The following GABBR2 variants were observed in gnomAD, a reference collection of about 807,000 sequenced individuals.
GABBR2 encodes the protein G-protein coupled receptor 51.
Under a neutral mutation model 105.6 loss-of-function variants are expected in GABBR2, and 23 were observed. The observed-to-expected ratio is 0.22, with a 90% CI of 0.16 to 0.31. GABBR2 has a LOEUF of 0.31. GABBR2 is among the 10% of genes least tolerant of loss of function. The probability of loss-of-function intolerance (pLI) is 1.00; values close to 1 mark genes in which losing one functional copy is unlikely to be tolerated. For synonymous variants in GABBR2, 478 were observed against 499.7 expected (o/e 0.96, Z 0.58); for missense variants, 734 against 1,245.5 (o/e 0.59, Z 6.18).
chr9:98,500,620 C>T (rs933633083), intron 3 of GABBR2, among the ~76,000 whole-genome samples: 1 of 152,152 alleles, frequency 6.6e-6, no homozygotes, highest in Admixed American at 6.5e-5. Flanking sequence ...CACAAGGAGC[C>T]GAAGACATTC....
At position 98,371,454 on chromosome 9, in the gene GABBR2, G is replaced by C; in HGVS notation, c.1770+10C>G. The C allele has an allele frequency of 1.5e-6, 2 of 1,343,950 alleles. No homozygotes were observed. Among genetic ancestry groups the C allele is most frequent in the Non-Finnish European group, 2.1e-6 (2 of 933,052 alleles). 83.3% of individuals were successfully genotyped at this position (1,343,950 alleles called of 1,614,324 possible). A position where few individuals can be genotyped will look rare whatever the true frequency, so the allele number is the denominator to read the frequency against. On this transcript the variant is annotated intron_variant, in intron 12 of 18. Coordinates refer to ENST00000259455, the MANE Select transcript of GABBR2 (RefSeq NM_005458.8). ...CTACTAATACCCTGAAACAGAAGGAGAGTGATTACCTTCTTCTTCATTTTC... is the reference window on the plus strand; with the variant it reads ...CTACTAATACCCTGAAACAGAAGGACAGTGATTACCTTCTTCTTCATTTTC...
intron 1 of GABBR2, among the ~76,000 whole-genome samples, chr9:98,586,741 T>C (rs970038344): frequency 6.6e-6 from 1 of 152,256 alleles, no homozygotes; most frequent in Non-Finnish European, 1.5e-5. Flanking sequence ...CTCCACATTA[T>C]GTTTGTGAGA....
chr9:98,392,896 T>C (rs1832207880), intron 9 of GABBR2, among the ~76,000 whole-genome samples: 1 of 150,774 alleles, frequency 6.6e-6, no homozygotes, highest in Non-Finnish European at 1.5e-5. Flanking sequence ...GATCAATTCA[T>C]CCATCCATCT....
At chr9:98,620,312 T>G (rs1418952630) in intron 1 of GABBR2, among the ~76,000 whole-genome samples, 1 of 151,652 alleles carries the variant, frequency 6.6e-6, no homozygotes, top group Non-Finnish European at 1.5e-5. Context: ...CTTGCAAAGA[T>G]AAGACCACCT....
At chr9:98,666,953 C>T (rs537604558) in intron 1 of GABBR2, among the ~76,000 whole-genome samples, 6 of 152,222 alleles carry the variant, frequency 3.9e-5, no homozygotes, top group South Asian at 4.2e-4. Context: ...TGGAAGAGTG[C>T]GTTTGGTGCC....
intron 7 of GABBR2, among the ~76,000 whole-genome samples, chr9:98,419,919 G>A (rs1366177902): frequency 6.6e-6 from 1 of 152,074 alleles, no homozygotes; most frequent in African/African-American, 2.4e-5. Context: ...CAGGAATTTG[G>A]AGAAGTCTTG....
intron 18 of GABBR2, 37 bp downstream of exon 18, chr9:98,293,744 ATTTC>A: frequency 9.1e-7 from 1 of 1,094,226 alleles, no homozygotes; most frequent in Non-Finnish European, 1.4e-6. Context: ...GGAGTGACGT[ATTTC>A]TTCTTCAGTT....
intron 15 of GABBR2, among the ~76,000 whole-genome samples, chr9:98,305,586 C>T (rs550404487): frequency 6.6e-5 from 10 of 152,242 alleles, no homozygotes; most frequent in South Asian, 2.1e-4. Context: ...AGGCCAAGGC[C>T]GGAGGATCGC....
intron 13 of GABBR2, among the ~76,000 whole-genome samples, chr9:98,322,300 G>A (rs1256120007): frequency 2.6e-5 from 4 of 152,000 alleles, no homozygotes; most frequent in Non-Finnish European, 4.4e-5. Flanking sequence ...AGAACCTGGC[G>A]TCTCTCCAGC....
chr9:98,594,169 T>C (rs963582263), intron 1 of GABBR2, among the ~76,000 whole-genome samples: 1 of 152,114 alleles, frequency 6.6e-6, no homozygotes, highest in African/African-American at 2.4e-5. Flanking sequence ...CAAGCAGCCT[T>C]GGGCACAGCT....
Position 98,290,167 on chromosome 9 carries a change from G to A in GABBR2, c.*417C>T, listed in dbSNP as rs1830270668. On this transcript the variant is annotated 3_prime_UTR_variant, in exon 19 of 19. Transcript: ENST00000259455. ...TCACAGCCAGTGATGTGTGTGCAGA[G>A]GCAGTTTCTTCAGAAGCTCCTTGCC... The A allele has an allele frequency of 6.5e-6, 1 of 153,832 alleles. No individual in the cohort carries two copies. 9.5% of individuals were successfully genotyped at this position (153,832 alleles called of 1,614,324 possible).
chr9:98,500,282 C>A (rs961690435), intron 3 of GABBR2, among the ~76,000 whole-genome samples: 1 of 152,228 alleles, frequency 6.6e-6, no homozygotes, highest in African/African-American at 2.4e-5. Flanking sequence ...CCCTGGGGGC[C>A]TAATCTGCAT....
chr9:98,586,923 G>A (rs772753739), intron 1 of GABBR2, among the ~76,000 whole-genome samples: 3 of 152,146 alleles, frequency 2.0e-5, no homozygotes, highest in African/African-American at 2.4e-5. Context: ...ATTTGCATAC[G>A]CGCCTCCTTG....
intron 2 of GABBR2, 88 bp from the exon 3 acceptor site, chr9:98,542,131 G>A: frequency 9.1e-7 from 1 of 1,100,014 alleles, no homozygotes; most frequent in Non-Finnish European, 1.3e-6. Context: ...GAGACTGTTA[G>A]CTTCAACTTA....
At chr9:98,556,881 T>C (rs1828594584) in intron 2 of GABBR2, among the ~76,000 whole-genome samples, 3 of 151,910 alleles carry the variant, frequency 2.0e-5, no homozygotes, top group African/African-American at 7.3e-5. Context: ...CCCATCTCTA[T>C]GGAAAAAAAT....
At chr9:98,431,635 G>C (rs1310043363) in intron 7 of GABBR2, among the ~76,000 whole-genome samples, 1 of 152,008 alleles carries the variant, frequency 6.6e-6, no homozygotes, top group Non-Finnish European at 1.5e-5. Context: ...TTCCTAAAAT[G>C]CCAGGCTATA....
At chr9:98,689,080 T>C (rs1038863827) in intron 1 of GABBR2, among the ~76,000 whole-genome samples, 2 of 152,200 alleles carry the variant, frequency 1.3e-5, no homozygotes, top group African/African-American at 4.8e-5. Context: ...TGTATGGCTT[T>C]AGCAAGTCAA....
intron 6 of GABBR2, among the ~76,000 whole-genome samples, chr9:98,470,578 C>T (rs925881285): frequency 3.3e-5 from 5 of 151,982 alleles, no homozygotes; most frequent in Admixed American, 6.5e-5. Flanking sequence ...TGGGTGGGGA[C>T]GCAGAGCTAA....
At chr9:98,580,102 T>A (rs1000357622) in intron 1 of GABBR2, among the ~76,000 whole-genome samples, 2 of 152,128 alleles carry the variant, frequency 1.3e-5, no homozygotes, top group African/African-American at 2.4e-5. Flanking sequence ...CCTTTTCTCT[T>A]CCCTTTGCTC....
Sources: allele counts gnomAD v4.1 joint callset (sites outside exome capture counted in the v4.1 genomes callset), GRCh38; gene constraint gnomAD v4.1.1; transcripts MANE v1.5; gene names NCBI Gene and HGNC (gene_info 2026-07-23, HGNC 2026-07-21).